Variants in EBF1 observed in about 807,000 individuals in gnomAD.
The protein encoded by EBF1 is EBF transcription factor 1.
Under a neutral mutation model 68.4 loss-of-function variants are expected in EBF1, and 10 were observed. The ratio of observed to expected loss-of-function variants is 0.15; its 90% CI spans 0.09 to 0.25. EBF1 has a LOEUF of 0.25. Ranked by LOEUF, EBF1 falls within the 10% of genes least tolerant of loss-of-function variation. EBF1 has a pLI of 1.00. For synonymous variants in EBF1, 298 were observed against 299.8 expected (o/e 0.99, Z 0.06); for missense variants, 509 against 794.4 (o/e 0.64, Z 4.32).
chr5:158,827,686 A>G (rs1304063483), intron 7 of EBF1, among the ~76,000 whole-genome samples: 4 of 152,178 alleles, frequency 2.6e-5, no homozygotes, highest in African/African-American at 7.2e-5. Context: ...CCTCTGTCTC[A>G]TGAGCAGATT....
At chr5:158,731,796 C>G (rs937965892) in intron 10 of EBF1, among the ~76,000 whole-genome samples, 2 of 152,128 alleles carry the variant, frequency 1.3e-5, no homozygotes, top group Non-Finnish European at 2.9e-5. Context: ...TTATTTGGGA[C>G]CAGCATCTGT....
Position 158,991,961 on chromosome 5 carries a change from C to T in EBF1, c.554+81435G>A, listed in dbSNP as rs969953425. Among the ~76,000 whole-genome samples, 4 of 152,260 alleles carry T rather than the reference C, an allele frequency of 2.6e-5. No homozygotes were observed. In the South Asian group the frequency reaches 8.3e-4, roughly 32 times the overall value. On this transcript the variant is annotated intron_variant, in intron 6 of 15. Coordinates refer to ENST00000313708, the MANE Select transcript of EBF1 (RefSeq NM_024007.5). ...TAGCTGAACGACCTTCAGCAACTCA[C>T]CAACTTCCCAAGACTCAGTCTCCTC... is the stretch of plus-strand genomic sequence containing the variant.
intron 6 of EBF1, among the ~76,000 whole-genome samples, chr5:158,974,080 A>G (rs143201176): frequency 6.6e-6 from 1 of 152,358 alleles, no homozygotes; most frequent in East Asian, 1.9e-4. Context: ...ATGCTCCCCA[A>G]GGGCATAGAT....
chr5:158,981,886 G>A (rs7445443), intron 6 of EBF1, among the ~76,000 whole-genome samples: 26,533 of 151,996 alleles, frequency 0.17, 2,757 homozygotes, highest in African/African-American at 0.29. Flanking sequence ...AAAGTCCAGC[G>A]GACACATATA....
intron 4 of EBF1, among the ~76,000 whole-genome samples, chr5:159,093,165 T>C (rs1369181591): frequency 2.6e-5 from 4 of 152,194 alleles, no homozygotes; most frequent in Admixed American, 6.5e-5. Flanking sequence ...GTATTAACCC[T>C]GTAGACAAGA....
intron 11 of EBF1, among the ~76,000 whole-genome samples, chr5:158,719,784 T>C (rs1348836176): frequency 6.6e-6 from 1 of 152,166 alleles, no homozygotes; most frequent in Admixed American, 6.5e-5. Flanking sequence ...TGTTTCAGCA[T>C]TAGATTTTGA....
At chr5:158,723,838 T>C (rs1452640974) in intron 11 of EBF1, among the ~76,000 whole-genome samples, 1 of 152,098 alleles carries the variant, frequency 6.6e-6, no homozygotes, top group Non-Finnish European at 1.5e-5. Context: ...ACAACTTTCA[T>C]GGGGGTCATC....
chr5:159,000,343 T>C (rs1448766431), intron 6 of EBF1, among the ~76,000 whole-genome samples: 6 of 152,190 alleles, frequency 3.9e-5, no homozygotes, highest in Non-Finnish European at 7.3e-5. Flanking sequence ...ATAAAATGAG[T>C]AATACAGATA....
chr5:158,824,200 C>T (rs186752091), intron 7 of EBF1, among the ~76,000 whole-genome samples: 18 of 152,328 alleles, frequency 1.2e-4, no homozygotes, highest in Non-Finnish European at 2.6e-4. Context: ...ATTGCAGCTT[C>T]AGCTCCCACC....
intron 6 of EBF1, among the ~76,000 whole-genome samples, chr5:158,946,708 A>G (rs1254303192): frequency 6.6e-6 from 1 of 152,194 alleles, no homozygotes; most frequent in Non-Finnish European, 1.5e-5. Context: ...TTAGAACTCC[A>G]ATACTGTGCT....
At chr5:158,806,121 G>T (rs777401071) in intron 8 of EBF1, among the ~76,000 whole-genome samples, 1 of 152,010 alleles carries the variant, frequency 6.6e-6, no homozygotes, top group Non-Finnish European at 1.5e-5. Context: ...CTTATGGCAG[G>T]CAGGTTTCAG....
chr5:159,079,182 A>G (rs766272716), intron 5 of EBF1, among the ~76,000 whole-genome samples: 10 of 152,160 alleles, frequency 6.6e-5, no homozygotes, highest in Non-Finnish European at 1.2e-4. Context: ...TAAGTGATCC[A>G]TCCTCGTCAC....
intron 8 of EBF1, among the ~76,000 whole-genome samples, chr5:158,822,970 C>A (rs1285195718): frequency 6.6e-6 from 1 of 152,080 alleles, no homozygotes; most frequent in Non-Finnish European, 1.5e-5. Context: ...AGTGGTCCCA[C>A]AAGAAAGGTG....
intron 6 of EBF1, among the ~76,000 whole-genome samples, chr5:159,026,272 A>C (rs150709273): frequency 5.3e-5 from 8 of 152,294 alleles, no homozygotes; most frequent in African/African-American, 1.7e-4. Flanking sequence ...TCTTGTGTTA[A>C]TGAAGACTGT....
rs182397395 is a variant in EBF1 at position 158,751,004 on chromosome 5, T to A, written c.1037-19847A>T. On this transcript the variant is annotated intron_variant, in intron 10 of 15. Coordinates refer to ENST00000313708, the MANE Select transcript of EBF1 (RefSeq NM_024007.5). ...CCTATTAACATGTTTATGAAGAAAT[T>A]TTAATGCGTGGGAAAATGCTTATTA... is the stretch of plus-strand genomic sequence containing the variant. Among the ~76,000 whole-genome samples the A allele has an allele frequency of 2.6e-5, 4 of 152,196 alleles. No individual in the cohort carries two copies. In the East Asian group the frequency reaches 7.7e-4, roughly 29 times the overall value.
chr5:158,728,588 G>C (rs1426570265), intron 11 of EBF1, among the ~76,000 whole-genome samples: 2 of 152,040 alleles, frequency 1.3e-5, no homozygotes, highest in Non-Finnish European at 2.9e-5. Context: ...TTTGAGACAG[G>C]GTCTTCTGGC....
chr5:158,753,602 T>C (rs1769408683), intron 10 of EBF1, among the ~76,000 whole-genome samples: 1 of 152,078 alleles, frequency 6.6e-6, no homozygotes, highest in African/African-American at 2.4e-5. Context: ...CAACCAGATA[T>C]TTTTTCTCCT....
At chr5:159,045,000 C>A (rs1326630515) in intron 6 of EBF1, among the ~76,000 whole-genome samples, 1 of 152,116 alleles carries the variant, frequency 6.6e-6, no homozygotes, top group African/African-American at 2.4e-5. Context: ...TTACCAAATA[C>A]ATTTAATCCT....
intron 11 of EBF1, among the ~76,000 whole-genome samples, chr5:158,725,723 C>A (rs1762853184): frequency 6.6e-6 from 1 of 152,170 alleles, no homozygotes; most frequent in Non-Finnish European, 1.5e-5. Context: ...TTGGGTTCCA[C>A]TGGCTGAGTG....
Sources: allele counts gnomAD v4.1 joint callset (sites outside exome capture counted in the v4.1 genomes callset), GRCh38; gene constraint gnomAD v4.1.1; transcripts MANE v1.5; gene names NCBI Gene and HGNC (gene_info 2026-07-23, HGNC 2026-07-21).